The following DCC variants were observed in gnomAD, a reference collection of about 807,000 sequenced individuals.
The protein encoded by DCC is DCC netrin 1 receptor, also known as netrin receptor DCC.
DCC carries 58 observed loss-of-function variants against 172.5 expected under a neutral mutation model. The ratio of observed to expected loss-of-function variants is 0.34; its 90% confidence interval spans 0.27 to 0.42. DCC has a LOEUF of 0.42. DCC is among the 10% of genes least tolerant of loss of function. DCC has a pLI of 1.00. For synonymous variants in DCC, 709 were observed against 644.5 expected, an observed-to-expected ratio of 1.10 and a Z score of -1.52; for missense variants, 1,740 against 1,791.0, an observed-to-expected ratio of 0.97 and a Z score of 0.51.
intron 1 of DCC, among the ~76,000 whole-genome samples, chr18:52,583,061 A>G (rs957653356): frequency 6.6e-6 from 1 of 152,162 alleles, no homozygotes; most frequent in Admixed American, 6.5e-5. Flanking sequence ...ACCTCTTTCT[A>G]TATTGGCTCT....
At chr18:53,104,258 C>A (rs532784801) in intron 7 of DCC, among the ~76,000 whole-genome samples, 1 of 152,104 alleles carries the variant, frequency 6.6e-6, no homozygotes, top group East Asian at 1.9e-4. Flanking sequence ...CGTCCCCACC[C>A]AAATCTTGTC....
At chr18:52,399,716 T>G (rs936879838) in intron 1 of DCC, among the ~76,000 whole-genome samples, 2 of 152,008 alleles carry the variant, frequency 1.3e-5, no homozygotes, top group Admixed American at 6.6e-5. Flanking sequence ...TTATGATCAC[T>G]CTATATGATG....
intron 1 of DCC, among the ~76,000 whole-genome samples, chr18:52,431,096 T>G (rs1342286959): frequency 6.6e-6 from 1 of 152,264 alleles, no homozygotes; most frequent in African/African-American, 2.4e-5. Context: ...AGTGTGGTTC[T>G]TGGACCAGCA....
At chr18:53,144,601 C>T (rs1423630525) in intron 7 of DCC, among the ~76,000 whole-genome samples, 5 of 152,254 alleles carry the variant, frequency 3.3e-5, no homozygotes, top group South Asian at 2.1e-4. Context: ...GTCCCTCCCA[C>T]GACACATGGG....
intron 5 of DCC, among the ~76,000 whole-genome samples, chr18:53,036,006 G>A (rs186584807): frequency 2.5e-3 from 374 of 151,944 alleles, no homozygotes; most frequent in African/African-American, 8.8e-3. Flanking sequence ...TGTATTCCTC[G>A]ATGTTGGACA....
chr18:52,524,195 T>G (rs963963509), intron 1 of DCC, among the ~76,000 whole-genome samples: 2 of 152,196 alleles, frequency 1.3e-5, no homozygotes, highest in African/African-American at 4.8e-5. Flanking sequence ...TCTTTAAAGT[T>G]AAGACAAAAA....
chr18:53,171,566 A>G (rs530169298), intron 8 of DCC, among the ~76,000 whole-genome samples: 1 of 152,338 alleles, frequency 6.6e-6, no homozygotes, highest in African/African-American at 2.4e-5. Context: ...TTTGGAGGCT[A>G]ATGAAGATTA....
At chr18:52,389,619 G>A (rs1382184267) in intron 1 of DCC, among the ~76,000 whole-genome samples, 1 of 150,932 alleles carries the variant, frequency 6.6e-6, no homozygotes, top group Non-Finnish European at 1.5e-5. Context: ...TGGATTTCAG[G>A]AGAAAACTGA....
intron 14 of DCC, among the ~76,000 whole-genome samples, chr18:53,327,307 T>TA (rs200403695): frequency 9.5e-5 from 14 of 147,664 alleles, no homozygotes; most frequent in Admixed American, 3.4e-4. Flanking sequence ...AATTTCAGCT[T>TA]AAAAAAAAAA....
chr18:52,926,077 A>G (rs1158177368), intron 5 of DCC, among the ~76,000 whole-genome samples: 1 of 151,802 alleles, frequency 6.6e-6, no homozygotes, highest in Admixed American at 6.6e-5. Context: ...TAACATTTGG[A>G]TTTCAGTTGC....
rs1248468043 is a variant in DCC, at chr18:53,530,884, T to C, written c.*231T>C. On this transcript the variant is annotated 3_prime_UTR_variant, in exon 29 of 29. Transcript: ENST00000442544. Reference sequence around the variant, plus strand: ...TGAGTTCCCTAAACAAAAGCAAAGATGCATTTTCACTGCAATGTCAAAGTT... The same window carrying C: ...TGAGTTCCCTAAACAAAAGCAAAGACGCATTTTCACTGCAATGTCAAAGTT... The C allele has an allele frequency of 6.6e-6, 4 of 604,434 alleles. No individual in the cohort carries two copies. Among genetic ancestry groups the C allele is most frequent in the Admixed American group, 2.6e-5 (1 of 38,286 alleles). The allele number at this position is 604,434 out of a possible 1,614,324, so 37.4% of individuals were successfully genotyped here.
intron 7 of DCC, among the ~76,000 whole-genome samples, chr18:53,138,033 A>G (rs529086799): frequency 4.0e-5 from 6 of 151,612 alleles, no homozygotes; most frequent in Admixed American, 3.3e-4. Context: ...TTGCAATGTT[A>G]CCCAGGGTGG....
At chr18:52,806,406 C>T (rs1354351455) in intron 2 of DCC, among the ~76,000 whole-genome samples, 1 of 152,190 alleles carries the variant, frequency 6.6e-6, no homozygotes, top group African/African-American at 2.4e-5. Flanking sequence ...AAACTTATTA[C>T]ATTGGTAGTG....
intron 15 of DCC, among the ~76,000 whole-genome samples, chr18:53,373,612 A>C (rs186317534): frequency 1.3e-5 from 2 of 152,182 alleles, no homozygotes; most frequent in Non-Finnish European, 2.9e-5. Context: ...AAATGAGTTC[A>C]GTTTTACTGT....
At chr18:52,547,843 A>T (rs1022539752) in intron 1 of DCC, among the ~76,000 whole-genome samples, 1 of 152,174 alleles carries the variant, frequency 6.6e-6, no homozygotes, top group Non-Finnish European at 1.5e-5. Flanking sequence ...TAAATATTAT[A>T]GACTCTTCAG....
chr18:52,528,213 T>C (rs2032040563), intron 1 of DCC, among the ~76,000 whole-genome samples: 1 of 152,218 alleles, frequency 6.6e-6, no homozygotes, highest in South Asian at 2.1e-4. Context: ...ATTTTCCCAG[T>C]ATCTCATTAG....
At chr18:53,012,189 T>C (rs1172590790) in intron 5 of DCC, among the ~76,000 whole-genome samples, 1 of 151,970 alleles carries the variant, frequency 6.6e-6, no homozygotes, top group Non-Finnish European at 1.5e-5. Flanking sequence ...CTTCTAGGTA[T>C]ATATCCTAGA....
chr18:52,789,299 T>TC (rs903650427), intron 2 of DCC, among the ~76,000 whole-genome samples: 1 of 152,142 alleles, frequency 6.6e-6, no homozygotes, highest in African/African-American at 2.4e-5. Flanking sequence ...TCTGTTTTTT[T>TC]CCCAAGGAGT....
At chr18:53,201,668 A>AT (rs1238293504) in intron 9 of DCC, among the ~76,000 whole-genome samples, 2 of 152,006 alleles carry the variant, frequency 1.3e-5, no homozygotes, top group Non-Finnish European at 2.9e-5. Flanking sequence ...GCTTTGTTTC[A>AT]TTTTTTTCCC....
Sources: gnomAD v4.1 joint callset for allele counts (sites outside exome capture counted in the v4.1 genomes callset) on GRCh38, gnomAD v4.1.1 for gene constraint, MANE v1.5 for transcripts, NCBI Gene and HGNC (gene_info 2026-07-23, HGNC 2026-07-21) for gene names.